PRKG1: variants seen among roughly 807,000 people sequenced by gnomAD.
PRKG1 encodes protein kinase cGMP-dependent 1, also known as cGMP-dependent protein kinase 1.
Under a neutral mutation model 88.1 loss-of-function variants are expected in PRKG1, and 35 were observed. That is an observed-to-expected ratio of 0.40 (90% CI 0.30 to 0.53). The LOEUF is 0.53. Among genes scored for constraint, PRKG1 ranks in the 20% least tolerant of loss-of-function variants. PRKG1 has a pLI of 0.59. For synonymous variants in PRKG1, 303 were observed against 292.5 expected, an observed-to-expected ratio of 1.04 and a Z score of -0.37; for missense variants, 540 against 839.8, an observed-to-expected ratio of 0.64 and a Z score of 4.41.
At chr10:52,150,140 T>C (rs1175275638) in intron 8 of PRKG1, among the ~76,000 whole-genome samples, 1 of 126,680 alleles carries the variant, frequency 7.9e-6, no homozygotes, top group African/African-American at 2.7e-5. Context: ...AGAGCAAGAC[T>C]CCATCTCAAA....
chr10:52,284,296 A>T (rs1472212305), intron 14 of PRKG1, among the ~76,000 whole-genome samples: 2 of 152,078 alleles, frequency 1.3e-5, no homozygotes, highest in Non-Finnish European at 2.9e-5. Flanking sequence ...TTTATGTTGT[A>T]TTTTCAAAAC....
At chr10:51,632,387 G>C (rs1839549270) in intron 3 of PRKG1, among the ~76,000 whole-genome samples, 1 of 152,190 alleles carries the variant, frequency 6.6e-6, no homozygotes. Context: ...TTGGAATTAT[G>C]TAAATAGGAC....
chr10:51,710,835 TG>T (rs200525780), intron 3 of PRKG1, among the ~76,000 whole-genome samples: 22 of 151,506 alleles, frequency 1.5e-4, no homozygotes, highest in Admixed American at 2.0e-4. Context: ...CGTCCTGTTT[TG>T]GGGGGGGCGG....
At chr10:52,166,801 A>ATATATG (rs1554812267) in intron 9 of PRKG1, among the ~76,000 whole-genome samples, 13 of 1,706 alleles carry the variant, frequency 7.6e-3, no homozygotes, top group East Asian at 0.17. Context: ...ATATATACAT[A>ATATATG]TATATATGTA....
intron 2 of PRKG1, among the ~76,000 whole-genome samples, chr10:51,411,582 C>G (rs769328442): frequency 1.3e-5 from 2 of 152,170 alleles, no homozygotes; most frequent in Admixed American, 6.5e-5. Context: ...TCCTCTAAGA[C>G]TCAGCATCAT....
chr10:51,685,568 A>G (rs1840967303), intron 3 of PRKG1, among the ~76,000 whole-genome samples: 1 of 152,172 alleles, frequency 6.6e-6, no homozygotes, highest in Non-Finnish European at 1.5e-5. Context: ...AACTCAAAGT[A>G]TTTGCTCACT....
intron 4 of PRKG1, among the ~76,000 whole-genome samples, chr10:51,825,011 A>C (rs1839848757): frequency 6.6e-6 from 1 of 152,208 alleles, no homozygotes; most frequent in Admixed American, 6.5e-5. Flanking sequence ...AGTTTTTCTC[A>C]AATTACTGGG....
In PRKG1 at chr10:51,228,233, T is replaced by C. The variant is rs137976651; in HGVS notation, c.478+74903T>C. Among the ~76,000 whole-genome samples the C allele has an allele frequency of 3.3e-4, 50 of 152,358 alleles. No individual in the cohort carries two copies. The East Asian group carries it at 8.7e-3, about 26-fold the overall frequency. Reference sequence around the variant, plus strand: ...ATTTAGCCAACGAGTTATGTTATTGTGTCTGCCCTTTGGAAACTTTACTTT... The same window carrying C: ...ATTTAGCCAACGAGTTATGTTATTGCGTCTGCCCTTTGGAAACTTTACTTT... On this transcript the variant is annotated intron_variant, in intron 2 of 17. Coordinates refer to ENST00000373980, the MANE Select transcript of PRKG1 (RefSeq NM_006258.4).
intron 5 of PRKG1, among the ~76,000 whole-genome samples, chr10:51,932,321 C>G (rs11000178): frequency 6.6e-6 from 1 of 151,546 alleles, no homozygotes; most frequent in Non-Finnish European, 1.5e-5. Context: ...CATTGAGAAA[C>G]GGTTCAGTAT....
intron 1 of PRKG1, among the ~76,000 whole-genome samples, chr10:51,130,889 A>G (rs569739841): frequency 7.9e-5 from 12 of 152,304 alleles, no homozygotes; most frequent in African/African-American, 2.9e-4. Context: ...AGCCTATGCA[A>G]CAGAGCGAGA....
At chr10:51,450,753 G>A (rs961992964) in intron 2 of PRKG1, among the ~76,000 whole-genome samples, 1 of 151,936 alleles carries the variant, frequency 6.6e-6, no homozygotes, top group East Asian at 1.9e-4. Context: ...ACTGACCTAA[G>A]AGTGCTTTGT....
intron 2 of PRKG1, among the ~76,000 whole-genome samples, chr10:51,197,635 A>G (rs1234751402): frequency 1.3e-5 from 2 of 151,926 alleles, no homozygotes; most frequent in African/African-American, 4.8e-5. Flanking sequence ...AGGTACACAT[A>G]TGTAGCATAT....
At chr10:51,545,380 T>C (rs1842421781) in intron 3 of PRKG1, among the ~76,000 whole-genome samples, 1 of 152,148 alleles carries the variant, frequency 6.6e-6, no homozygotes, top group Non-Finnish European at 1.5e-5. Context: ...TTTGTCCTCA[T>C]GGGAATTTGT....
At chr10:52,182,761 T>G in intron 9 of PRKG1, among the ~76,000 whole-genome samples, 1 of 150,196 alleles carries the variant, frequency 6.7e-6, no homozygotes, top group East Asian at 2.0e-4. Flanking sequence ...GCGGCATTAT[T>G]TCTGAGGGCT....
chr10:52,043,751 GA>G (rs1285530295), intron 5 of PRKG1, among the ~76,000 whole-genome samples: 2 of 151,260 alleles, frequency 1.3e-5, no homozygotes, highest in East Asian at 3.9e-4. Context: ...ACCCTGATTT[GA>G]ACATTACACA....
chr10:51,041,668 T>TCCTA (rs1190927317), intron 1 of PRKG1, among the ~76,000 whole-genome samples: 1 of 152,156 alleles, frequency 6.6e-6, no homozygotes, highest in Non-Finnish European at 1.5e-5. Flanking sequence ...TGGTGTCCTG[T>TCCTA]CCTACTGTGG....
At chr10:51,783,488 G>A (rs994447053) in intron 3 of PRKG1, among the ~76,000 whole-genome samples, 1 of 151,938 alleles carries the variant, frequency 6.6e-6, no homozygotes. Context: ...CACCATGTTG[G>A]CCAGGCTGGT....
intron 7 of PRKG1, among the ~76,000 whole-genome samples, chr10:52,099,323 C>T (rs1442299010): frequency 1.3e-5 from 2 of 152,054 alleles, no homozygotes. Flanking sequence ...TCCAAAGTGT[C>T]CTGAAAGAGA....
chr10:51,062,773 C>T (rs942428220), intron 1 of PRKG1: 1 of 152,098 alleles, frequency 6.6e-6, no homozygotes, highest in African/African-American at 2.4e-5. Flanking sequence ...CAGGCATGCG[C>T]CACCACGTCC....
Sources: allele counts gnomAD v4.1 joint callset (sites outside exome capture counted in the v4.1 genomes callset), GRCh38; gene constraint gnomAD v4.1.1; transcripts MANE v1.5; gene names NCBI Gene and HGNC (gene_info 2026-07-23, HGNC 2026-07-21).